SLX4IP: variants seen among roughly 807,000 people sequenced by gnomAD.
SLX4IP encodes the protein SLX4 interacting protein.
Under a neutral mutation model 32.9 loss-of-function variants are expected in SLX4IP, and 34 were observed. The observed-to-expected ratio is 1.03, with a 90% CI of 0.79 to 1.38. The LOEUF (loss-of-function observed/expected upper bound fraction) is 1.38. SLX4IP is among the 40% of genes most tolerant of loss of function. The pLI, the probability that SLX4IP is intolerant of heterozygous loss-of-function variation, is 0.00. For synonymous variants in SLX4IP, 172 were observed against 171.7 expected, an observed-to-expected ratio of 1.00 and a Z score of -0.01; for missense variants, 444 against 479.0, an observed-to-expected ratio of 0.93 and a Z score of 0.68.
At chr20:10,438,174 A>G (rs2065130599) in intron 1 of SLX4IP, among the ~76,000 whole-genome samples, 1 of 152,162 alleles carries the variant, frequency 6.6e-6, no homozygotes, top group Non-Finnish European at 1.5e-5. Flanking sequence ...TTGTTTAGAA[A>G]AGAGGGTGAT....
At chr20:10,470,981 C>A (rs2065419943) in intron 2 of SLX4IP, among the ~76,000 whole-genome samples, 1 of 152,172 alleles carries the variant, frequency 6.6e-6, no homozygotes, top group Non-Finnish European at 1.5e-5. Context: ...TTTATTACCC[C>A]TTTGAGCATC....
intron 6 of SLX4IP, among the ~76,000 whole-genome samples, chr20:10,610,900 A>C (rs577755392): frequency 8.1e-6 from 1 of 123,610 alleles, no homozygotes; most frequent in African/African-American, 2.8e-5. Flanking sequence ...TAGGAAAGAG[A>C]GACTTCTTCA....
At chr20:10,497,849 G>T (rs2065682005) in intron 2 of SLX4IP, among the ~76,000 whole-genome samples, 1 of 151,762 alleles carries the variant, frequency 6.6e-6, no homozygotes, top group African/African-American at 2.4e-5. Flanking sequence ...TTTTTTTGGT[G>T]TTAATTTTTC....
intron 2 of SLX4IP, among the ~76,000 whole-genome samples, chr20:10,468,817 A>G (rs2065400907): frequency 1.3e-5 from 2 of 152,156 alleles, no homozygotes; most frequent in African/African-American, 2.4e-5. Flanking sequence ...CTTTCCTAAG[A>G]ACATCATCTT....
At chr20:10,465,586 A>G (rs1339049650) in intron 2 of SLX4IP, among the ~76,000 whole-genome samples, 1 of 152,108 alleles carries the variant, frequency 6.6e-6, no homozygotes, top group African/African-American at 2.4e-5. Context: ...GCTCACTGCA[A>G]CCTCTGCCTC....
intron 2 of SLX4IP, 55 bp from the exon 3 acceptor site, chr20:10,556,176 T>C: frequency 6.6e-7 from 1 of 1,513,336 alleles, no homozygotes; most frequent in Admixed American, 2.0e-5. Flanking sequence ...TTTTCTCTCA[T>C]TGTTTGCTGG....
At chr20:10,529,346 T>C (rs979687452) in intron 2 of SLX4IP, among the ~76,000 whole-genome samples, 15 of 152,072 alleles carry the variant, frequency 9.9e-5, no homozygotes, top group Admixed American at 2.0e-4. Flanking sequence ...CCTAGCACTT[T>C]GGGAGGCCGA....
At chr20:10,505,732 G>A (rs1459220626) in intron 2 of SLX4IP, among the ~76,000 whole-genome samples, 2 of 151,900 alleles carry the variant, frequency 1.3e-5, no homozygotes, top group Admixed American at 6.6e-5. Context: ...TCTGTCCTCT[G>A]TCTCTCTCAT....
chr20:10,453,207 A>G (rs1000144774), intron 1 of SLX4IP, among the ~76,000 whole-genome samples: 1 of 152,172 alleles, frequency 6.6e-6, no homozygotes, highest in Non-Finnish European at 1.5e-5. Context: ...TTTGTTTATC[A>G]TGGAATCAGT....
At chr20:10,622,248 T>G (rs550562770) in intron 7 of SLX4IP, among the ~76,000 whole-genome samples, 1 of 152,202 alleles carries the variant, frequency 6.6e-6, no homozygotes, top group Non-Finnish European at 1.5e-5. Context: ...TTCCAGAAGA[T>G]TTTTCTTTAC....
chr20:10,567,805 TA>T (rs1380157939), intron 4 of SLX4IP, among the ~76,000 whole-genome samples: 1 of 152,206 alleles, frequency 6.6e-6, no homozygotes, highest in African/African-American at 2.4e-5. Flanking sequence ...AGACCCAAAA[TA>T]TACCACTCAA....
chr20:10,492,511 A>G (rs2122398737), intron 2 of SLX4IP, among the ~76,000 whole-genome samples: 1 of 151,792 alleles, frequency 6.6e-6, no homozygotes, highest in East Asian at 1.9e-4. Context: ...TTTCTGCAGG[A>G]CTGTTTGTTG....
chr20:10,613,712 G>A (rs917291794), intron 6 of SLX4IP: 91 of 1,612,374 alleles, frequency 5.6e-5, no homozygotes, highest in Middle Eastern at 1.6e-4. Flanking sequence ...GGACCTCTCC[G>A]GCGTCAATAG....
At chr20:10,619,154 TG>T (rs1296612512) in intron 6 of SLX4IP, among the ~76,000 whole-genome samples, 3 of 152,196 alleles carry the variant, frequency 2.0e-5, no homozygotes, top group African/African-American at 7.2e-5. Context: ...GGTTTTAATT[TG>T]TAAGCGGGAG....
In SLX4IP at chr20:10,492,468, T is replaced by C. The variant is rs193196670; in HGVS notation, c.27+34237T>C. ...ATCTTACTGTTTATTTTTATTTCTT[T>C]TGTTGATACCTGGTTCATATCTTTT... On this transcript the variant is annotated intron_variant, in intron 2 of 7. Coordinates refer to ENST00000334534, the MANE Select transcript of SLX4IP (RefSeq NM_001009608.3). 1.5e-3 allele frequency among the ~76,000 whole-genome samples: 230 copies of C among 152,334 alleles called. 1 individual carries two copies. The highest frequency in any genetic ancestry group is 2.5e-3 in the Non-Finnish European group (172 of 68,032).
At chr20:10,563,485 A>G (rs8121911) in intron 4 of SLX4IP, among the ~76,000 whole-genome samples, 5,065 of 152,240 alleles carry the variant, frequency 0.033, 266 homozygotes, top group African/African-American at 0.11. Flanking sequence ...TGCCTAGACC[A>G]ATGTCTTGAA....
chr20:10,586,949 C>T (rs2122532478), intron 4 of SLX4IP, among the ~76,000 whole-genome samples: 1 of 151,930 alleles, frequency 6.6e-6, no homozygotes, highest in South Asian at 2.1e-4. Context: ...GACAGTTCGC[C>T]CCAAAATTTA....
chr20:10,484,992 G>A (rs923670909), intron 2 of SLX4IP, among the ~76,000 whole-genome samples: 4 of 152,054 alleles, frequency 2.6e-5, no homozygotes, highest in African/African-American at 7.2e-5. Flanking sequence ...GGGGGACCTC[G>A]AAGAGACAGG....
At position 10,584,147 on chromosome 20, in the gene SLX4IP, C is replaced by T. The variant is rs189038028; in HGVS notation, c.239-14528C>T. On this transcript the variant is annotated intron_variant, in intron 4 of 7. Coordinates refer to ENST00000334534, the MANE Select transcript of SLX4IP (RefSeq NM_001009608.3). ...GTGGGTTTTTTTTCCCCTATAAAAACGCAAATCAGCAGGTAGTTAAAACAA... is the reference window on the plus strand; with the variant it reads ...GTGGGTTTTTTTTCCCCTATAAAAATGCAAATCAGCAGGTAGTTAAAACAA... Among the ~76,000 whole-genome samples, 6 of 151,686 alleles carry T rather than the reference C, an allele frequency of 4.0e-5. No individual in the cohort carries two copies. The East Asian group carries it at 7.7e-4, about 20-fold the overall frequency.
Sources: allele counts gnomAD v4.1 joint callset (sites outside exome capture counted in the v4.1 genomes callset), GRCh38; gene constraint gnomAD v4.1.1; transcripts MANE v1.5; gene names NCBI Gene and HGNC (gene_info 2026-07-23, HGNC 2026-07-21).